The following ANO4 variants were observed in gnomAD, a reference collection of about 807,000 sequenced individuals.
ANO4 encodes anoctamin 4, also known as anoctamin-4.
ANO4 carries 69 observed loss-of-function variants against 141.9 expected under a neutral mutation model. That is an observed-to-expected ratio of 0.49 (90% CI 0.40 to 0.59). ANO4 has a LOEUF of 0.59. ANO4 is among the 20% of genes least tolerant of loss of function. The pLI is 0.00. For synonymous variants in ANO4, 350 were observed against 394.3 expected (o/e 0.89, Z 1.33); for missense variants, 894 against 1,162.2 (o/e 0.77, Z 3.36).
intron 1 of ANO4, among the ~76,000 whole-genome samples, chr12:100,865,636 C>T (rs887476379): frequency 8.6e-5 from 13 of 152,040 alleles, no homozygotes; most frequent in African/African-American, 2.7e-4. Context: ...GAATGGTGAT[C>T]ATTAAAAAGT....
chr12:100,944,607 T>C (rs2042648043), intron 5 of ANO4, among the ~76,000 whole-genome samples: 1 of 152,070 alleles, frequency 6.6e-6, no homozygotes, highest in Non-Finnish European at 1.5e-5. Context: ...TGGAACCTTC[T>C]TCACAAGTGA....
At chr12:101,069,285 T>C in intron 14 of ANO4, 1 of 822,084 alleles carries the variant, frequency 1.2e-6, no homozygotes, top group South Asian at 1.3e-5. Context: ...AAGCCAAACA[T>C]CACTTGCACT....
At chr12:100,773,957 C>CGTAACCAT (rs2033393296) in intron 3 of ANO4, among the ~76,000 whole-genome samples, 1 of 152,082 alleles carries the variant, frequency 6.6e-6, no homozygotes, top group African/African-American at 2.4e-5. Context: ...TTTATTGGAA[C>CGTAACCAT]GTAACCATGC....
chr12:100,745,901 A>G (rs1004771804), intron 3 of ANO4, among the ~76,000 whole-genome samples: 3 of 152,198 alleles, frequency 2.0e-5, no homozygotes, highest in Admixed American at 2.0e-4. Context: ...CTTAGAAATA[A>G]CCTGAGAGAA....
At chr12:100,804,237 T>A (rs2034862244) in intron 1 of ANO4, among the ~76,000 whole-genome samples, 1 of 152,192 alleles carries the variant, frequency 6.6e-6, no homozygotes, top group Admixed American at 6.5e-5. Flanking sequence ...TTGCTGAGGA[T>A]AATGGCTTCC....
intron 20 of ANO4, 59 bp from the exon 21 acceptor site, chr12:101,097,789 C>T: frequency 1.2e-6 from 2 of 1,605,596 alleles, no homozygotes; most frequent in East Asian, 2.2e-5. Context: ...GATTATAAAC[C>T]AGACACCCTT....
chr12:100,846,508 G>GTCT (rs2037566506), intron 1 of ANO4, among the ~76,000 whole-genome samples: 1 of 151,650 alleles, frequency 6.6e-6, no homozygotes, highest in Non-Finnish European at 1.5e-5. Context: ...ATGTAATTTG[G>GTCT]GACTAAAGCA....
chr12:100,902,789 T>C (rs1438847877), intron 2 of ANO4, among the ~76,000 whole-genome samples: 3 of 152,220 alleles, frequency 2.0e-5, no homozygotes, highest in Non-Finnish European at 4.4e-5. Context: ...TTATGCATCA[T>C]TCCCCACTTT....
chr12:100,771,041 A>C (rs919412056), intron 3 of ANO4, among the ~76,000 whole-genome samples: 1 of 152,210 alleles, frequency 6.6e-6, no homozygotes, highest in Non-Finnish European at 1.5e-5. Flanking sequence ...GATCTTTAAA[A>C]ATACACATTT....
chr12:100,941,767 T>C (rs2042522023), intron 4 of ANO4, among the ~76,000 whole-genome samples: 1 of 151,992 alleles, frequency 6.6e-6, no homozygotes, highest in Non-Finnish European at 1.5e-5. Flanking sequence ...AGAGTGAGCA[T>C]ATCAATTTTC....
chr12:100,734,712 C>T (rs2031531779), intron 2 of ANO4, among the ~76,000 whole-genome samples: 1 of 152,304 alleles, frequency 6.6e-6, no homozygotes, highest in Non-Finnish European at 1.5e-5. Flanking sequence ...TACTCTTAAA[C>T]ACTATGCCGT....
intron 9 of ANO4, among the ~76,000 whole-genome samples, chr12:101,022,633 A>G (rs2046579218): frequency 6.6e-6 from 1 of 152,248 alleles, no homozygotes; most frequent in South Asian, 2.1e-4. Context: ...AGTGAGTGAA[A>G]GTGAAGTTAT....
At chr12:100,861,064 G>A (rs2038446442) in intron 1 of ANO4, among the ~76,000 whole-genome samples, 1 of 152,186 alleles carries the variant, frequency 6.6e-6, no homozygotes, top group African/African-American at 2.4e-5. Flanking sequence ...GCTGGCTTGG[G>A]TGGCCAGCTT....
At chr12:101,073,222 C>G (rs1031409074) in intron 14 of ANO4, among the ~76,000 whole-genome samples, 1 of 150,112 alleles carries the variant, frequency 6.7e-6, no homozygotes, top group Non-Finnish European at 1.5e-5. Context: ...CACATATACA[C>G]CATGGCATAC....
At chr12:100,718,525 A>G (rs2030716714) in intron 1 of ANO4, among the ~76,000 whole-genome samples, 1 of 152,128 alleles carries the variant, frequency 6.6e-6, no homozygotes. Flanking sequence ...TTGGTGTGGA[A>G]TCTTCATTCT....
intron 1 of ANO4, among the ~76,000 whole-genome samples, chr12:100,825,514 A>G (rs2036282873): frequency 6.6e-6 from 1 of 152,060 alleles, no homozygotes; most frequent in Non-Finnish European, 1.5e-5. Flanking sequence ...TCATATAATT[A>G]ACTAGACACA....
chr12:100,918,653 C>G (rs922376437), intron 2 of ANO4, among the ~76,000 whole-genome samples: 1 of 152,096 alleles, frequency 6.6e-6, no homozygotes, highest in Non-Finnish European at 1.5e-5. Flanking sequence ...TGTGGTGATG[C>G]CGGTGTAAAC....
At chr12:100,963,993 G>A (rs889969522) in intron 5 of ANO4, among the ~76,000 whole-genome samples, 1 of 152,192 alleles carries the variant, frequency 6.6e-6, no homozygotes, top group African/African-American at 2.4e-5. Flanking sequence ...AAGAAACTGA[G>A]GCTTATGAAT....
intron 5 of ANO4, among the ~76,000 whole-genome samples, chr12:100,950,131 C>T (rs972319088): frequency 1.3e-5 from 2 of 152,126 alleles, no homozygotes; most frequent in Non-Finnish European, 2.9e-5. Flanking sequence ...CCTTCCTTCA[C>T]AGTTGAAAAC....
Sources: gnomAD v4.1 joint callset for allele counts (sites outside exome capture counted in the v4.1 genomes callset) on GRCh38, gnomAD v4.1.1 for gene constraint, MANE v1.5 for transcripts, NCBI Gene and HGNC (gene_info 2026-07-23, HGNC 2026-07-21) for gene names.